Variants in ATP6V0A1 observed in about 807,000 individuals in gnomAD.
The protein encoded by ATP6V0A1 is V-type proton ATPase 116 kDa subunit a 1.
In ATP6V0A1, 43 loss-of-function variants were observed where a neutral mutation model predicts 105.4. The ratio of observed to expected loss-of-function variants is 0.41; its 90% CI spans 0.32 to 0.53. The LOEUF (loss-of-function observed/expected upper bound fraction) is 0.53. Among genes scored for constraint, ATP6V0A1 ranks in the 20% least tolerant of loss-of-function variants. ATP6V0A1 has a pLI of 0.30. For missense variants in ATP6V0A1, 676 were observed against 1,051.1 expected (o/e 0.64, Z 4.93); for synonymous variants, 362 against 372.8 (o/e 0.97, Z 0.33).
intron 19 of ATP6V0A1, chr17:42,510,929 C>T (rs1435035366): frequency 3.3e-5 from 5 of 152,010 alleles, no homozygotes; most frequent in African/African-American, 9.7e-5. Flanking sequence ...AGCTATAGGT[C>T]CCAGTGCCTT....
chr17:42,485,108 C>T (rs2089973335), intron 9 of ATP6V0A1, among the ~76,000 whole-genome samples: 1 of 152,212 alleles, frequency 6.6e-6, no homozygotes, highest in Admixed American at 6.5e-5. Context: ...CCTCGGCCTC[C>T]CAAAGTCCTG....
At chr17:42,500,031 T>G in intron 15 of ATP6V0A1, among the ~76,000 whole-genome samples, 1 of 143,738 alleles carries the variant, frequency 7.0e-6, no homozygotes, top group African/African-American at 2.6e-5. Context: ...AGCCCAAGAG[T>G]TCAAGACAAG....
chr17:42,503,700 TGAAA>T (rs966086183), intron 17 of ATP6V0A1, among the ~76,000 whole-genome samples: 8 of 152,254 alleles, frequency 5.3e-5, no homozygotes, highest in Admixed American at 4.6e-4. Flanking sequence ...TTAAATAAAA[TGAAA>T]GATTTAGATG....
In ATP6V0A1 at chr17:42,516,072, G is replaced by A. The variant is rs531985522; in HGVS notation, c.2420+1612G>A. 3.9e-5 allele frequency among the ~76,000 whole-genome samples: 6 copies of A among 152,276 alleles called. No homozygotes were observed. The East Asian group carries it at 1.2e-3, about 29-fold the overall frequency. On this transcript the variant is annotated intron_variant, in intron 21 of 21. Transcript: ENST00000343619. Reference sequence around the variant, plus strand: ...TCCTGTTTTACAAGCATAGGGGTCTGACTCACTGGTGTGCCTTAGAGGCCC... The same window carrying A: ...TCCTGTTTTACAAGCATAGGGGTCTAACTCACTGGTGTGCCTTAGAGGCCC...
At chr17:42,470,004 C>G in intron 4 of ATP6V0A1, 86 bp from the exon 5 acceptor site, 1 of 1,312,386 alleles carries the variant, frequency 7.6e-7, no homozygotes, top group Admixed American at 2.7e-5. Flanking sequence ...ATCGGCTTGG[C>G]AACAGTTCTG....
chr17:42,514,155 C>A, intron 20 of ATP6V0A1, 134 bp from the exon 21 acceptor site: 1 of 1,316,280 alleles, frequency 7.6e-7, no homozygotes, highest in Non-Finnish European at 1.1e-6. Flanking sequence ...GTTAGCTCTG[C>A]ATGGTGGTCC....
chr17:42,478,396 A>T, intron 6 of ATP6V0A1, 67 bp from the exon 7 acceptor site: 1 of 1,215,440 alleles, frequency 8.2e-7, no homozygotes, highest in Non-Finnish European at 1.1e-6. Flanking sequence ...AATAAAAAAG[A>T]CTTGTATTAA....
intron 14 of ATP6V0A1, 35 bp downstream of exon 14, chr17:42,495,751 A>AT (rs779250397): frequency 9.3e-6 from 14 of 1,509,798 alleles, no homozygotes; most frequent in South Asian, 2.3e-5. Context: ...CTAACCTCAA[A>AT]TTTTTTAACA....
chr17:42,512,969 C>A (rs1263054609), intron 19 of ATP6V0A1, among the ~76,000 whole-genome samples: 1 of 152,214 alleles, frequency 6.6e-6, no homozygotes, highest in East Asian at 1.9e-4. Context: ...AGGGAAAGTA[C>A]CTGGGGCTTC....
At chr17:42,508,542 C>A in intron 18 of ATP6V0A1, 30 bp from the exon 19 acceptor site, 2 of 1,613,920 alleles carry the variant, frequency 1.2e-6, no homozygotes, top group Non-Finnish European at 1.7e-6. Context: ...TGGCGTGGCT[C>A]CCCACTAAGT....
rs768274282 is a variant in ATP6V0A1 at position 42,508,590 on chromosome 17, G to T, written c.2130+1G>T. On this transcript the variant is annotated splice_donor_variant, in intron 19 of 21. Transcript: ENST00000343619. LOFTEE classifies it high-confidence loss of function. ...TTTCAAGCCTTCCGAGGACGAAGTG[G>T]TAAGATGAAAGCTGGCGTTGCCTTC... 1 of 1,613,998 alleles carries T rather than the reference G, an allele frequency of 6.2e-7. No individual in the cohort carries two copies. The highest frequency in any genetic ancestry group is 8.5e-7 in the Non-Finnish European group (1 of 1,179,900).
chr17:42,514,299 G>T lies in ATP6V0A1; in HGVS notation c.2259G>T (p.Glu753Asp). The T allele has an allele frequency of 1.3e-6, 2 of 1,596,554 alleles. No individual in the cohort carries two copies. The highest frequency in any genetic ancestry group is 1.7e-6 in the Non-Finnish European group (2 of 1,171,446). The change falls in exon 21 of 22, where the codon GAG becomes GAT. Residue 753 changes from glutamate (E) to aspartate (D), a missense_variant. Transcript: ENST00000343619. Reference sequence around the variant, plus strand: ...TCTCCCATTCCCCAGAGCTGTCTGAGGTGCTTTGGACCATGGTGATCCACA... The same window carrying T: ...TCTCCCATTCCCCAGAGCTGTCTGATGTGCTTTGGACCATGGTGATCCACA... ...ALSLAHAQLS[E>D]VLWTMVIHIG...
chr17:42,507,971 G>A (rs952101716), intron 18 of ATP6V0A1, among the ~76,000 whole-genome samples: 2 of 152,184 alleles, frequency 1.3e-5, no homozygotes, highest in Non-Finnish European at 2.9e-5. Flanking sequence ...AGGTCACTAA[G>A]CACAGCTTCT....
At chr17:42,504,987 G>A (rs1599044190) in intron 17 of ATP6V0A1, among the ~76,000 whole-genome samples, 1 of 150,800 alleles carries the variant, frequency 6.6e-6, no homozygotes, top group Non-Finnish European at 1.5e-5. Flanking sequence ...GATCTATTAC[G>A]TTTTTTAAAA....
At chr17:42,464,752 C>T (rs1006463364) in intron 2 of ATP6V0A1, among the ~76,000 whole-genome samples, 1 of 152,108 alleles carries the variant, frequency 6.6e-6, no homozygotes, top group East Asian at 1.9e-4. Flanking sequence ...TATATACACA[C>T]ATACGTGATT....
intron 12 of ATP6V0A1, 22 bp downstream of exon 12, chr17:42,494,495 C>T (rs2090970237): frequency 6.3e-7 from 1 of 1,580,842 alleles, no homozygotes; most frequent in African/African-American, 1.4e-5. Flanking sequence ...GTTACATCTG[C>T]ATTGAACTGA....
At chr17:42,491,535 G>A (rs1383713934) in intron 11 of ATP6V0A1, among the ~76,000 whole-genome samples, 1 of 151,908 alleles carries the variant, frequency 6.6e-6, no homozygotes, top group Non-Finnish European at 1.5e-5. Flanking sequence ...CCAGGCTGGA[G>A]TGCAATGGCA....
intron 11 of ATP6V0A1, among the ~76,000 whole-genome samples, chr17:42,490,974 C>T (rs774593626): frequency 4.6e-5 from 7 of 152,186 alleles, no homozygotes; most frequent in Admixed American, 6.5e-5. Context: ...ATTCTCCCGC[C>T]TGAACCTCTG....
At chr17:42,516,772 G>T (rs1224808457) in intron 21 of ATP6V0A1, among the ~76,000 whole-genome samples, 14 of 152,202 alleles carry the variant, frequency 9.2e-5, no homozygotes, top group Admixed American at 9.2e-4. Context: ...GTCTTCCCAG[G>T]TCCCCCTGAA....
Sources: allele counts gnomAD v4.1 joint callset (sites outside exome capture counted in the v4.1 genomes callset), GRCh38; gene constraint gnomAD v4.1.1; transcripts MANE v1.5; gene names NCBI Gene and HGNC (gene_info 2026-07-23, HGNC 2026-07-21).